NAALADL2: variants seen among roughly 807,000 people sequenced by gnomAD.
NAALADL2 encodes N-acetylated alpha-linked acidic dipeptidase like 2.
A neutral mutation model predicts 87.2 loss-of-function variants in NAALADL2; 76 were observed. That is an observed-to-expected ratio of 0.87 (90% CI 0.72 to 1.05). NAALADL2 has a LOEUF of 1.05. NAALADL2 is among the 50% of genes least tolerant of loss of function. The pLI is 0.00. For synonymous variants in NAALADL2, 354 were observed against 331.0 expected, an observed-to-expected ratio of 1.07 and a Z score of -0.75; for missense variants, 1,089 against 945.8, an observed-to-expected ratio of 1.15 and a Z score of -1.99.
intron 1 of NAALADL2, among the ~76,000 whole-genome samples, chr3:174,942,679 T>C (rs1223199350): frequency 6.6e-6 from 1 of 152,176 alleles, no homozygotes; most frequent in Non-Finnish European, 1.5e-5. Context: ...CAGTTATTCA[T>C]ATATTTAGCC....
At chr3:174,843,745 G>T (rs1724279740) in intron 3 of NAALADL2, among the ~76,000 whole-genome samples, 1 of 151,912 alleles carries the variant, frequency 6.6e-6, no homozygotes, top group African/African-American at 2.4e-5. Flanking sequence ...GTGTTATCTT[G>T]TTGAGGTTTT....
chr3:174,494,156 AG>A (rs1467434892), intron 1 of NAALADL2, among the ~76,000 whole-genome samples: 1 of 152,092 alleles, frequency 6.6e-6, no homozygotes, highest in Non-Finnish European at 1.5e-5. Flanking sequence ...TTAAGGCAGG[AG>A]GTTTAAGGAG....
intron 13 of NAALADL2, among the ~76,000 whole-genome samples, chr3:175,776,686 T>G (rs148429214): frequency 6.0e-4 from 92 of 152,258 alleles, no homozygotes; most frequent in African/African-American, 2.1e-3. Context: ...TCAAGAAATT[T>G]TGTAGAAAGT....
At chr3:174,531,704 C>T (rs939448642) in intron 1 of NAALADL2, among the ~76,000 whole-genome samples, 1 of 152,112 alleles carries the variant, frequency 6.6e-6, no homozygotes, top group Non-Finnish European at 1.5e-5. Context: ...TGTTTTGTAA[C>T]ATTTGAAACA....
chr3:175,037,097 T>C (rs961378709), intron 1 of NAALADL2, among the ~76,000 whole-genome samples: 4 of 152,100 alleles, frequency 2.6e-5, no homozygotes, highest in Admixed American at 6.6e-5. Flanking sequence ...CAAACAAGGC[T>C]AAAAGATTCT....
At chr3:175,191,564 C>T (rs1580857620) in intron 2 of NAALADL2, among the ~76,000 whole-genome samples, 1 of 152,112 alleles carries the variant, frequency 6.6e-6, no homozygotes, top group South Asian at 2.1e-4. Context: ...AAAGCACCCC[C>T]TGAATGATAT....
At chr3:175,582,218 T>TA (rs558758035) in intron 10 of NAALADL2, among the ~76,000 whole-genome samples, 1,909 of 136,016 alleles carry the variant, frequency 0.014, 16 homozygotes, top group Middle Eastern at 0.019. Flanking sequence ...AGACAAATAC[T>TA]AAAAAAAAAA....
chr3:175,100,662 A>T (rs1283717458), intron 2 of NAALADL2, among the ~76,000 whole-genome samples: 1 of 151,916 alleles, frequency 6.6e-6, no homozygotes, highest in Non-Finnish European at 1.5e-5. Context: ...ACATGGCGAA[A>T]CTCCGTCTCT....
chr3:175,677,058 C>CATACT (rs1734880776), intron 11 of NAALADL2, among the ~76,000 whole-genome samples: 1 of 152,096 alleles, frequency 6.6e-6, no homozygotes. Context: ...AGGGGCCTGT[C>CATACT]TGTTGCCTTA....
chr3:175,311,006 A>G (rs545130245), intron 4 of NAALADL2, among the ~76,000 whole-genome samples: 36 of 152,140 alleles, frequency 2.4e-4, no homozygotes, highest in African/African-American at 7.9e-4. Flanking sequence ...TTCCCCCGCA[A>G]TATTGGCTGT....
intron 2 of NAALADL2, among the ~76,000 whole-genome samples, chr3:175,113,803 G>A (rs1346213225): frequency 6.6e-6 from 1 of 151,462 alleles, no homozygotes; most frequent in Non-Finnish European, 1.5e-5. Flanking sequence ...TGCCCTTGAG[G>A]GAGATACTAT....
chr3:174,730,940 G>T (rs755689669), intron 2 of NAALADL2, among the ~76,000 whole-genome samples: 2 of 151,966 alleles, frequency 1.3e-5, no homozygotes, highest in South Asian at 4.1e-4. Flanking sequence ...AGAATTTATC[G>T]TAAGTTTGAA....
intron 2 of NAALADL2, among the ~76,000 whole-genome samples, chr3:175,183,243 C>A (rs984348128): frequency 2.5e-5 from 2 of 80,664 alleles, no homozygotes; most frequent in Non-Finnish European, 6.3e-5. Context: ...TAGATTTATT[C>A]CTAAGTATTT....
intron 2 of NAALADL2, among the ~76,000 whole-genome samples, chr3:175,158,280 C>A (rs1200306892): frequency 6.6e-6 from 1 of 151,958 alleles, no homozygotes; most frequent in Admixed American, 6.6e-5. Flanking sequence ...ATCAGAGAGA[C>A]CATTTCTATT....
At chr3:174,497,892 GAT>G (rs1718644299) in intron 1 of NAALADL2, among the ~76,000 whole-genome samples, 1 of 152,060 alleles carries the variant, frequency 6.6e-6, no homozygotes, top group African/African-American at 2.4e-5. Context: ...CCTGATAAGT[GAT>G]ATCTTTGGAA....
At chr3:174,803,434 A>G (rs1719074117) in intron 3 of NAALADL2, among the ~76,000 whole-genome samples, 1 of 151,908 alleles carries the variant, frequency 6.6e-6, no homozygotes, top group African/African-American at 2.4e-5. Context: ...TTGCCTGTTC[A>G]CTCTGATGAT....
chr3:175,099,801 A>G (rs924028018), intron 2 of NAALADL2, among the ~76,000 whole-genome samples: 2 of 152,188 alleles, frequency 1.3e-5, no homozygotes, highest in African/African-American at 4.8e-5. Context: ...AATAGACTGC[A>G]GACTCTATAA....
rs1560128765 is a variant in NAALADL2, at chr3:175,181,711, G to GTATA, written c.546-52219_546-52218insATAT. ...TATATATATATATATATATGTGTGTGTGTGTGTATATATATGTATATATGT... is the reference window on the plus strand; with the variant it reads ...TATATATATATATATATATGTGTGTGTATATGTGTGTATATATATGTATATATGT... On this transcript the variant is annotated intron_variant, in intron 2 of 13. Transcript: ENST00000454872. 3.3e-4 allele frequency among the ~76,000 whole-genome samples: 8 copies of GTATA among 24,330 alleles called. No individual in the cohort carries two copies. The South Asian group carries it at 4.6e-3, about 14-fold the overall frequency. The allele number at this position is 24,330 out of a possible 152,430, so 16.0% of individuals were successfully genotyped here. A position where few individuals can be genotyped will look rare whatever the true frequency, so the allele number is the denominator to read the frequency against.
chr3:175,349,484 C>T (rs1385240098), intron 5 of NAALADL2, among the ~76,000 whole-genome samples: 1 of 152,104 alleles, frequency 6.6e-6, no homozygotes, highest in East Asian at 1.9e-4. Flanking sequence ...GCCCATAGGC[C>T]ATGTTAAGAA....
Sources: gnomAD v4.1 joint callset for allele counts (sites outside exome capture counted in the v4.1 genomes callset) on GRCh38, gnomAD v4.1.1 for gene constraint, MANE v1.5 for transcripts, NCBI Gene and HGNC (gene_info 2026-07-23, HGNC 2026-07-21) for gene names.